ARG1: variants seen among roughly 807,000 people sequenced by gnomAD.
ARG1 encodes arginase-1.
In ARG1, 20 loss-of-function variants were observed where a neutral mutation model predicts 33.0. The observed-to-expected ratio is 0.61, with a 90% CI of 0.43 to 0.88. ARG1 has a LOEUF of 0.88. Ranked by LOEUF, ARG1 falls within the 40% of genes least tolerant of loss-of-function variation. ARG1 has a pLI of 0.00. For missense variants in ARG1, 374 were observed against 384.7 expected (o/e 0.97, Z 0.23); for synonymous variants, 146 against 140.6 (o/e 1.04, Z -0.27).
rs1064794165 is a variant in ARG1 at position 131,582,620 on chromosome 6, G to C, written c.466-1G>C. 8.1e-6 allele frequency: 13 copies of C among 1,612,280 alleles called. No homozygotes were observed. The Admixed American group carries it at 2.2e-4, about 27-fold the overall frequency. ...ACCAAGTGAAAACATTGTAATTTTA[G>C]ATTCCCGATGTGCCAGGATTCTCCT... On this transcript the variant is annotated splice_acceptor_variant, in intron 4 of 7. Transcript: ENST00000368087. LOFTEE classifies it high-confidence loss of function.
chr6:131,581,046 T>C (rs1773894137), intron 3 of ARG1, among the ~76,000 whole-genome samples, 173 bp from the exon 4 acceptor site: 1 of 152,218 alleles, frequency 6.6e-6, no homozygotes, highest in African/African-American at 2.4e-5. Context: ...GCATTAAGTG[T>C]AAGTTATGCT....
chr6:131,582,533 T>C, intron 4 of ARG1, 88 bp from the exon 5 acceptor site: 2 of 949,506 alleles, frequency 2.1e-6, no homozygotes, highest in Non-Finnish European at 3.5e-6. Flanking sequence ...ATATAAGATA[T>C]ACGCAATCCA....
intron 5 of ARG1, 108 bp downstream of exon 5, chr6:131,582,823 A>C (rs1774003595): frequency 1.1e-6 from 1 of 923,790 alleles, no homozygotes; most frequent in Non-Finnish European, 1.8e-6. Flanking sequence ...AGACACACAC[A>C]CACACACATG....
rs1446631328 is a variant in ARG1 at position 131,582,683 on chromosome 6, T to C, written c.528T>C (p.Tyr176=). ...TPCISAKDIV[Y]IGLRDVDPGE... ...GTATATCTGCCAAGGATATTGTGTATATTGGCTTGAGAGACGTGGACCCTG... is the reference window on the plus strand; with the variant it reads ...GTATATCTGCCAAGGATATTGTGTACATTGGCTTGAGAGACGTGGACCCTG... Residue 176 remains tyrosine, a synonymous_variant, in exon 5 of 8, where the codon TAT becomes TAC. Transcript: ENST00000368087. 6.2e-7 allele frequency: 1 copy of C among 1,613,882 alleles called. No homozygotes were observed. The highest frequency in any genetic ancestry group is 2.2e-5 in the East Asian group (1 of 44,852).
chr6:131,574,016 T>C, intron 1 of ARG1: 1 of 495,296 alleles, frequency 2.0e-6, no homozygotes, highest in South Asian at 2.7e-5. Flanking sequence ...CCAGATTTCC[T>C]TACAGCCACG....
rs1773728708 is a variant in ARG1 at position 131,578,279 on chromosome 6, T to A, written c.131-832T>A. On this transcript the variant is annotated intron_variant, in intron 2 of 7. Coordinates refer to ENST00000368087, the MANE Select transcript of ARG1 (RefSeq NM_000045.4). The stretch of plus-strand genomic sequence containing the variant: ...CCCTTAACTGACAAGCATAATTTGG[T>A]CACGTGTTGTATCAGGTGAAATTTC... Among the ~76,000 whole-genome samples the A allele has an allele frequency of 2.0e-5, 3 of 151,846 alleles. No individual in the cohort carries two copies. The South Asian group carries it at 6.2e-4, about 32-fold the overall frequency.
At chr6:131,582,151 T>C (rs926292103) in intron 4 of ARG1, among the ~76,000 whole-genome samples, 3 of 152,206 alleles carry the variant, frequency 2.0e-5, no homozygotes, top group Admixed American at 6.5e-5. Flanking sequence ...GATGGGTTTA[T>C]AAACTTGCAA....
At position 131,576,737 on chromosome 6, in the gene ARG1, T is replaced by C; in HGVS notation, c.130+2T>C. 1 of 1,612,940 alleles carries C rather than the reference T, an allele frequency of 6.2e-7. No homozygotes were observed. The highest frequency in any genetic ancestry group is 1.1e-5 in the South Asian group (1 of 91,058). The stretch of plus-strand genomic sequence containing the variant: ...TGCTTGAGAAACTTAAAGAACAAGG[T>C]AATTTTTAAGTTGAAAAATGATCAG... On this transcript the variant is annotated splice_donor_variant, in intron 2 of 7. Transcript: ENST00000368087. LOFTEE classifies it high-confidence loss of function.
chr6:131,582,764 T>C (rs1320936816), intron 5 of ARG1, 49 bp downstream of exon 5: 1 of 1,511,366 alleles, frequency 6.6e-7, no homozygotes, highest in South Asian at 1.1e-5. Context: ...TCCCTTTGTG[T>C]GCTAGATATG....
Position 131,584,007 on chromosome 6 carries a change from T to G in ARG1, c.*99T>G. 1 of 1,392,358 alleles carries G rather than the reference T, an allele frequency of 7.2e-7. No homozygotes were observed. Among genetic ancestry groups the G allele is most frequent in the Non-Finnish European group, 9.9e-7 (1 of 1,010,682 alleles). 86.3% of individuals were successfully genotyped at this position (1,392,358 alleles called of 1,614,324 possible). A position where few individuals can be genotyped will look rare whatever the true frequency, so the allele number is the denominator to read the frequency against. ...GTTATCCTTCTAAAGACTTGTTCTT[T>G]CAGAAAAATGTTTTTCCAATTAGTA... On this transcript the variant is annotated 3_prime_UTR_variant, in exon 8 of 8. Coordinates refer to ENST00000368087, the MANE Select transcript of ARG1 (RefSeq NM_000045.4).
At chr6:131,578,459 C>T (rs1773739870) in intron 2 of ARG1, among the ~76,000 whole-genome samples, 1 of 152,126 alleles carries the variant, frequency 6.6e-6, no homozygotes. Context: ...ACACCCAGTC[C>T]TTAGGAATTT....
chr6:131,579,380 C>A, intron 3 of ARG1, 95 bp downstream of exon 3: 1 of 1,389,882 alleles, frequency 7.2e-7, no homozygotes, highest in Non-Finnish European at 9.9e-7. Flanking sequence ...GACAGAAAAG[C>A]ATTGACCTAT....
chr6:131,578,904 T>C (rs1315650812), intron 2 of ARG1, among the ~76,000 whole-genome samples: 1 of 152,136 alleles, frequency 6.6e-6, no homozygotes, highest in Non-Finnish European at 1.5e-5. Flanking sequence ...GAGCCCAGTA[T>C]ACAGCCGCAC....
intron 4 of ARG1, 50 bp from the exon 5 acceptor site, chr6:131,582,571 A>G (rs1382167621): frequency 1.4e-6 from 2 of 1,417,052 alleles, no homozygotes; most frequent in Non-Finnish European, 2.0e-6. Context: ...TGAATGTAGG[A>G]TTTGTTCAAG....
chr6:131,578,993 G>A, intron 2 of ARG1, 118 bp from the exon 3 acceptor site: 2 of 1,211,010 alleles, frequency 1.7e-6, no homozygotes, highest in South Asian at 3.0e-5. Context: ...GACCTTTCAG[G>A]TTTTTCCTTT....
chr6:131,584,084 A>G lies in ARG1; in HGVS notation c.*176A>G. The G allele has an allele frequency of 1.4e-6, 1 of 735,816 alleles. No homozygotes were observed. The highest frequency in any genetic ancestry group is 2.1e-6 in the Non-Finnish European group (1 of 468,078). 45.6% of individuals were successfully genotyped at this position (735,816 alleles called of 1,614,324 possible). ...TAAAATTCAAGATGTGGAAATTCTA[A>G]CTTTTTTGAAATTTAAAAGCTTATA... is the stretch of plus-strand genomic sequence containing the variant. On this transcript the variant is annotated 3_prime_UTR_variant, in exon 8 of 8. Coordinates refer to ENST00000368087, the MANE Select transcript of ARG1 (RefSeq NM_000045.4).
chr6:131,576,582 T>G (rs1773622514), intron 1 of ARG1, 81 bp from the exon 2 acceptor site: 1 of 1,334,666 alleles, frequency 7.5e-7, no homozygotes, highest in Non-Finnish European at 1.1e-6. Context: ...GTTCAACTGA[T>G]TAAATAATGA....
intron 7 of ARG1, 114 bp downstream of exon 7, chr6:131,583,605 C>A: frequency 6.6e-7 from 1 of 1,517,838 alleles, no homozygotes; most frequent in Non-Finnish European, 9.1e-7. Context: ...GTCCATCAGT[C>A]ACATGATGCA....
intron 4 of ARG1, among the ~76,000 whole-genome samples, chr6:131,582,355 G>C (rs1264412767): frequency 6.6e-6 from 1 of 152,132 alleles, no homozygotes; most frequent in African/African-American, 2.4e-5. Context: ...GAGCACAATC[G>C]TTTCTTTATA....
Sources: gnomAD v4.1 joint callset for allele counts (sites outside exome capture counted in the v4.1 genomes callset) on GRCh38, gnomAD v4.1.1 for gene constraint, MANE v1.5 for transcripts, NCBI Gene and HGNC (gene_info 2026-07-23, HGNC 2026-07-21) for gene names.